Variants in CENPP observed in about 807,000 individuals in gnomAD.
CENPP encodes the protein centromere protein P.
A neutral mutation model predicts 35.6 loss-of-function variants in CENPP; 24 were observed. The ratio of observed to expected loss-of-function variants is 0.67; its 90% confidence interval spans 0.49 to 0.95. The LOEUF (loss-of-function observed/expected upper bound fraction) is 0.95, where lower values mean the gene tolerates loss of function less well. Ranked by LOEUF, CENPP falls within the 40% of genes least tolerant of loss-of-function variation. The pLI is 0.00. For synonymous variants in CENPP, 120 were observed against 125.5 expected (o/e 0.96, Z 0.29); for missense variants, 332 against 345.3 (o/e 0.96, Z 0.31).
chr9:92,539,290 T>G (rs1037628055), intron 5 of CENPP: 4 of 152,138 alleles, frequency 2.6e-5, no homozygotes, highest in African/African-American at 9.7e-5. Flanking sequence ...CATGTTGAAT[T>G]GCAAATTCAA....
intron 5 of CENPP, among the ~76,000 whole-genome samples, chr9:92,491,220 T>C (rs758431831): frequency 1.8e-4 from 27 of 152,166 alleles, no homozygotes; most frequent in Admixed American, 1.3e-4. Flanking sequence ...ATGTAGGACC[T>C]AACTAATAAC....
At chr9:92,595,165 TG>T (rs1421071513) in intron 5 of CENPP, among the ~76,000 whole-genome samples, 3 of 152,230 alleles carry the variant, frequency 2.0e-5, no homozygotes, top group Non-Finnish European at 4.4e-5. Context: ...CCCAAAGTGC[TG>T]GGATTACAGG....
chr9:92,460,620 AC>A, intron 5 of CENPP: 1 of 1,125,520 alleles, frequency 8.9e-7, no homozygotes, highest in Non-Finnish European at 1.3e-6. Flanking sequence ...AGCCCAATTG[AC>A]TATTTGTTTA....
At chr9:92,391,742 G>C (rs1180504709) in intron 5 of CENPP, among the ~76,000 whole-genome samples, 1 of 152,214 alleles carries the variant, frequency 6.6e-6, no homozygotes, top group Non-Finnish European at 1.5e-5. Flanking sequence ...AGAAGACAGT[G>C]TTACCTTGTT....
At chr9:92,537,513 A>G (rs1849214163) in intron 5 of CENPP, among the ~76,000 whole-genome samples, 1 of 152,080 alleles carries the variant, frequency 6.6e-6, no homozygotes, top group South Asian at 2.1e-4. Context: ...TACAAAAATT[A>G]GCCGAGTATG....
chr9:92,412,975 CTTTTTTTTT>C (rs35323105), intron 5 of CENPP, among the ~76,000 whole-genome samples: 4 of 45,244 alleles, frequency 8.8e-5, no homozygotes, highest in East Asian at 5.5e-4. Flanking sequence ...TGTAACTAAG[CTTTTTTTTT>C]TTTTTTTTTT....
upstream of CENPP, chr9:92,325,616 T>C (rs991792343): frequency 4.9e-6 from 1 of 202,986 alleles, no homozygotes; most frequent in East Asian, 1.3e-4. Context: ...GTGAAAAAAA[T>C]AAAGAGGCGC....
At chr9:92,395,472 T>C (rs72752447) in intron 5 of CENPP, among the ~76,000 whole-genome samples, 3,206 of 152,326 alleles carry the variant, frequency 0.021, 53 homozygotes, top group South Asian at 0.045. Flanking sequence ...TTCAAAGAAA[T>C]TTATGTGTAA....
At chr9:92,457,399 G>A (rs1844916702) in intron 5 of CENPP, 1 of 1,613,606 alleles carries the variant, frequency 6.2e-7, no homozygotes, top group East Asian at 2.2e-5. Context: ...TTATTGCACT[G>A]TATAAAGATT....
intron 5 of CENPP, among the ~76,000 whole-genome samples, chr9:92,391,602 CA>C (rs376166761): frequency 1.7e-3 from 258 of 151,678 alleles, no homozygotes; most frequent in African/African-American, 5.9e-3. Flanking sequence ...CTGTCTCAAA[CA>C]AAAAAACCCC....
chr9:92,468,706 G>T (rs1307509310), intron 5 of CENPP, among the ~76,000 whole-genome samples: 2 of 152,140 alleles, frequency 1.3e-5, no homozygotes, highest in East Asian at 3.9e-4. Context: ...CAAGTATAAA[G>T]CATGTACTTT....
At position 92,615,777 on chromosome 9, in the gene CENPP, C is replaced by CT. The variant is rs1172169078; in HGVS notation, c.*2629dup. On this transcript the variant is annotated 3_prime_UTR_variant, in exon 8 of 8. Transcript: ENST00000375587. ...TCACCCAACACAACAGAAAATATCT[C>CT]TATCATTCAGCCTTCACATTATGTT... 3.6e-6 allele frequency: 5 copies of CT among 1,396,642 alleles called. No homozygotes were observed. Among genetic ancestry groups the CT allele is most frequent in the South Asian group, 2.4e-5 (2 of 84,472 alleles). The allele number at this position is 1,396,642 out of a possible 1,614,324, so 86.5% of individuals were successfully genotyped here.
intron 5 of CENPP, among the ~76,000 whole-genome samples, chr9:92,567,375 T>TATATATATATATATATATATATATATAG (rs1850005949): frequency 1.2e-5 from 1 of 81,872 alleles, no homozygotes; most frequent in Non-Finnish European, 2.5e-5. Context: ...ATAAGATAGA[T>TATATATATATATATATATATATATATAG]ATATATATAT....
chr9:92,540,832 G>A (rs1563995436), intron 5 of CENPP, among the ~76,000 whole-genome samples: 1 of 152,042 alleles, frequency 6.6e-6, no homozygotes, highest in Admixed American at 6.6e-5. Context: ...CCTAGATCAG[G>A]AGATAACTGT....
At chr9:92,573,777 C>G (rs966381623) in intron 5 of CENPP, among the ~76,000 whole-genome samples, 5 of 152,338 alleles carry the variant, frequency 3.3e-5, no homozygotes, top group Middle Eastern at 6.8e-3. Flanking sequence ...GCTTTGTTTA[C>G]CTACTCAAGC....
At chr9:92,494,868 C>T (rs1476610716) in intron 5 of CENPP, among the ~76,000 whole-genome samples, 2 of 152,104 alleles carry the variant, frequency 1.3e-5, no homozygotes, top group Non-Finnish European at 2.9e-5. Context: ...GATTGCACCA[C>T]TGCACTCCAG....
chr9:92,514,859 C>T, intron 5 of CENPP: 4 of 1,612,998 alleles, frequency 2.5e-6, no homozygotes, highest in Non-Finnish European at 3.4e-6. Context: ...CCCTCCTCCT[C>T]CTCATCCTCC....
Position 92,415,056 on chromosome 9 carries a change from T to C in CENPP, c.564+35197T>C, listed in dbSNP as rs537082423. ...CTGATCTTATACTAATACATAATTC[T>C]AAATATATTACTTTGAGTAATACAT... On this transcript the variant is annotated intron_variant, in intron 5 of 7. Coordinates refer to ENST00000375587, the MANE Select transcript of CENPP (RefSeq NM_001012267.3). The C allele has an allele frequency of 1.9e-5, 18 of 934,558 alleles. 1 individual carries two copies. In the South Asian group the frequency reaches 3.5e-4, roughly 18 times the overall value. 57.9% of individuals were successfully genotyped at this position (934,558 alleles called of 1,614,324 possible).
intron 4 of CENPP, among the ~76,000 whole-genome samples, chr9:92,360,778 C>T (rs1226082269): frequency 6.6e-6 from 1 of 151,938 alleles, no homozygotes; most frequent in East Asian, 1.9e-4. Flanking sequence ...AATCTCAGCT[C>T]ACTGCAAGCT....
Sources: allele counts gnomAD v4.1 joint callset (sites outside exome capture counted in the v4.1 genomes callset), GRCh38; gene constraint gnomAD v4.1.1; transcripts MANE v1.5; gene names NCBI Gene and HGNC (gene_info 2026-07-23, HGNC 2026-07-21).